Variants in RHOT1 observed in about 807,000 individuals in gnomAD.
The protein encoded by RHOT1 is ras homolog family member T1, also known as mitochondrial Rho GTPase 1.
RHOT1 carries 27 observed loss-of-function variants against 95.3 expected under a neutral mutation model. The ratio of observed to expected loss-of-function variants is 0.28; its 90% CI spans 0.21 to 0.39. The LOEUF is 0.39. RHOT1 is among the 10% of genes least tolerant of loss of function. The pLI is 1.00. For missense variants in RHOT1, 578 were observed against 786.7 expected, an observed-to-expected ratio of 0.73 and a Z score of 3.17; for synonymous variants, 227 against 263.5, an observed-to-expected ratio of 0.86 and a Z score of 1.34.
At chr17:32,185,492 C>T (rs989204894) in intron 8 of RHOT1, among the ~76,000 whole-genome samples, 5 of 152,036 alleles carry the variant, frequency 3.3e-5, no homozygotes, top group African/African-American at 7.2e-5. Flanking sequence ...ACTGCCCCCT[C>T]GACTTCCTGG....
intron 17 of RHOT1, 50 bp downstream of exon 17, chr17:32,207,079 T>G (rs376065960): frequency 2.6e-6 from 4 of 1,545,064 alleles, no homozygotes; most frequent in Admixed American, 4.2e-5. Context: ...TATGGACTTT[T>G]TATGGAATTG....
chr17:32,164,326 C>T (rs530369419), intron 1 of RHOT1, among the ~76,000 whole-genome samples: 9 of 151,620 alleles, frequency 5.9e-5, no homozygotes, highest in African/African-American at 1.2e-4. Flanking sequence ...CTCTGCCTCC[C>T]GGGTTCAAGC....
chr17:32,192,407 C>G (rs2036556896), intron 9 of RHOT1, 108 bp downstream of exon 9: 4 of 660,112 alleles, frequency 6.1e-6, no homozygotes, highest in Non-Finnish European at 7.7e-6. Flanking sequence ...ATGTTATAAA[C>G]ATAAGTTTCT....
At chr17:32,159,129 G>A (rs117977608) in intron 1 of RHOT1, among the ~76,000 whole-genome samples, 7,065 of 152,288 alleles carry the variant, frequency 0.046, 207 homozygotes, top group Non-Finnish European at 0.067. Flanking sequence ...GGCTGAAGGC[G>A]CAGCTGGGAC....
At chr17:32,218,409 A>T (rs551753288) in intron 19 of RHOT1, among the ~76,000 whole-genome samples, 3 of 150,680 alleles carry the variant, frequency 2.0e-5, no homozygotes, top group Non-Finnish European at 4.4e-5. Context: ...TAGGAGACTG[A>T]GGTGAGAGGT....
At chr17:32,213,783 A>G (rs1039623269) in intron 19 of RHOT1, among the ~76,000 whole-genome samples, 3 of 152,232 alleles carry the variant, frequency 2.0e-5, no homozygotes, top group Non-Finnish European at 2.9e-5. Context: ...CCTGGTGACA[A>G]TTTTATTCCT....
At chr17:32,150,426 T>C (rs1040869538) in intron 1 of RHOT1, 2 of 610,774 alleles carry the variant, frequency 3.3e-6, no homozygotes, top group African/African-American at 1.9e-5. Context: ...ATTAGTACTC[T>C]AGTCAGAGAA....
At position 32,154,017 on chromosome 17, in the gene RHOT1, CAG is replaced by C. The variant is rs111930171; in HGVS notation, c.37+11289_37+11290del. Among the ~76,000 whole-genome samples the C allele has an allele frequency of 6.5e-3, 986 of 151,944 alleles. 14 individuals carry two copies. Among genetic ancestry groups the C allele is most frequent in the African/African-American group, 0.022 (895 of 41,436 alleles). On this transcript the variant is annotated intron_variant, in intron 1 of 19. Coordinates refer to ENST00000545287, the MANE Select transcript of RHOT1 (RefSeq NM_001033566.3). Reference sequence around the variant, plus strand: ...TAAACCAATTGTAAAGTTGAAAAATCAGGGGACAGGCGTGGTGGCTCATACCT... The same window carrying C: ...TAAACCAATTGTAAAGTTGAAAAATCGGGACAGGCGTGGTGGCTCATACCT...
At chr17:32,172,375 T>C (rs1203545652) in intron 2 of RHOT1, among the ~76,000 whole-genome samples, 3 of 152,248 alleles carry the variant, frequency 2.0e-5, no homozygotes, top group Non-Finnish European at 4.4e-5. Flanking sequence ...GTGAGAGTTT[T>C]AGTTTAGAAT....
chr17:32,201,046 A>G lies in RHOT1; in HGVS notation c.1191A>G (p.Ser397=). ...TGACTGAGCAAGAGTCTCAAGCTTC[A>G]GCTGTTACAGGTAAGTATCTAGATA... is the stretch of plus-strand genomic sequence containing the variant. The part of the protein sequence containing the change: ...SILTEQESQA[S]AVTVTRDKKI... Residue 397 remains serine (S), a synonymous_variant, in exon 14 of 20, where the codon TCA becomes TCG. Transcript: ENST00000545287. The G allele has an allele frequency of 6.3e-7, 1 of 1,594,816 alleles. No homozygotes were observed. Among genetic ancestry groups the G allele is most frequent in the Non-Finnish European group, 8.6e-7 (1 of 1,168,316 alleles).
At chr17:32,151,078 T>G in intron 1 of RHOT1, 1 of 1,181,278 alleles carries the variant, frequency 8.5e-7, no homozygotes, top group Admixed American at 1.8e-5. Context: ...AGGCTTCTCC[T>G]GAGTGAAAAC....
chr17:32,167,277 C>T (rs753567767), intron 1 of RHOT1, among the ~76,000 whole-genome samples: 1 of 151,894 alleles, frequency 6.6e-6, no homozygotes, highest in Non-Finnish European at 1.5e-5. Context: ...GTGCTGTCAT[C>T]CAGGCTTTGT....
chr17:32,191,316 C>T (rs919826517), intron 8 of RHOT1, among the ~76,000 whole-genome samples: 1 of 152,150 alleles, frequency 6.6e-6, no homozygotes, highest in African/African-American at 2.4e-5. Flanking sequence ...TCAAAGCTGT[C>T]ATCATTACCA....
At chr17:32,184,435 G>A (rs747233883) in intron 8 of RHOT1, among the ~76,000 whole-genome samples, 10 of 151,832 alleles carry the variant, frequency 6.6e-5, no homozygotes, top group Non-Finnish European at 1.3e-4. Context: ...TTTATGGCCC[G>A]ATAATCATTT....
At chr17:32,192,000 T>G (rs2036524953) in intron 8 of RHOT1, among the ~76,000 whole-genome samples, 1 of 152,212 alleles carries the variant, frequency 6.6e-6, no homozygotes, top group Non-Finnish European at 1.5e-5. Context: ...AGGGGAGAGC[T>G]TGACCATTCC....
intron 8 of RHOT1, among the ~76,000 whole-genome samples, chr17:32,185,510 G>A (rs1409809213): frequency 5.3e-5 from 8 of 151,900 alleles, no homozygotes; most frequent in Admixed American, 4.6e-4. Context: ...TGGCTTCAAC[G>A]ATCCTCCCAC....
At chr17:32,203,619 G>C (rs1368087651) in intron 15 of RHOT1, among the ~76,000 whole-genome samples, 1 of 152,146 alleles carries the variant, frequency 6.6e-6, no homozygotes, top group African/African-American at 2.4e-5. Flanking sequence ...ATTGCCAGCA[G>C]GTGGCTCTAG....
Position 32,163,370 on chromosome 17 carries a change from G to A in RHOT1, c.38-7673G>A, listed in dbSNP as rs559847998. Among the ~76,000 whole-genome samples the A allele has an allele frequency of 3.3e-5, 5 of 152,308 alleles. No homozygotes were observed. The East Asian group carries it at 9.6e-4, about 29-fold the overall frequency. ...ATTTGACAGATCTTGACTGCTAAAT[G>A]CAGAAGAATGATGAATCGGAGATGG... On this transcript the variant is annotated intron_variant, in intron 1 of 19. Transcript: ENST00000545287.
intron 19 of RHOT1, among the ~76,000 whole-genome samples, chr17:32,218,523 CAG>C (rs2038629706): frequency 7.4e-6 from 1 of 134,288 alleles, no homozygotes; most frequent in East Asian, 2.2e-4. Context: ...AAAAAAAAAA[CAG>C]AGCTGGGCAC....
Sources: gnomAD v4.1 joint callset for allele counts (sites outside exome capture counted in the v4.1 genomes callset) on GRCh38, gnomAD v4.1.1 for gene constraint, MANE v1.5 for transcripts, NCBI Gene and HGNC (gene_info 2026-07-23, HGNC 2026-07-21) for gene names.